The following TTC39B variants were observed in gnomAD, a reference collection of about 807,000 sequenced individuals.
TTC39B encodes the protein tetratricopeptide repeat protein 39B.
In TTC39B, 92 loss-of-function variants were observed where a neutral mutation model predicts 96.6. That is an observed-to-expected ratio of 0.95 (90% confidence interval 0.80 to 1.13). TTC39B has a LOEUF of 1.13. Among genes scored for constraint, TTC39B ranks in the 50% most tolerant of loss-of-function variants. The pLI, the probability that TTC39B is intolerant of heterozygous loss-of-function variation, is 0.00. For missense variants in TTC39B, 955 were observed against 809.3 expected, an observed-to-expected ratio of 1.18 and a Z score of -2.18; for synonymous variants, 367 against 299.4, an observed-to-expected ratio of 1.23 and a Z score of -2.33.
At chr9:15,296,200 C>A (rs1401196519) in intron 1 of TTC39B, among the ~76,000 whole-genome samples, 3 of 152,206 alleles carry the variant, frequency 2.0e-5, no homozygotes, top group African/African-American at 7.2e-5. Context: ...AGCACCGTGG[C>A]TCAAGTTGGT....
intron 11 of TTC39B, 120 bp downstream of exon 11, chr9:15,190,434 C>A: frequency 3.7e-6 from 3 of 801,636 alleles, no homozygotes; most frequent in Non-Finnish European, 6.1e-6. Flanking sequence ...CAGCCTCAAA[C>A]TCCTGGGTTC....
intron 2 of TTC39B, among the ~76,000 whole-genome samples, chr9:15,263,450 C>T (rs943860848): frequency 1.3e-5 from 2 of 152,242 alleles, no homozygotes; most frequent in East Asian, 1.9e-4. Context: ...TGGTCAGTCC[C>T]GTCTCCCCAG....
chr9:15,280,643 C>A (rs1823726632), intron 1 of TTC39B, among the ~76,000 whole-genome samples: 1 of 152,184 alleles, frequency 6.6e-6, no homozygotes, highest in Non-Finnish European at 1.5e-5. Flanking sequence ...GCTGAGACCA[C>A]CAAGCAGCCT....
chr9:15,174,598 C>T (rs1817829822), intron 19 of TTC39B, among the ~76,000 whole-genome samples: 1 of 152,256 alleles, frequency 6.6e-6, no homozygotes, highest in South Asian at 2.1e-4. Context: ...CAAACTAGGA[C>T]CCAAGGGCCA....
exon 20 of TTC39B, chr9:15,171,885 G>T: frequency 1.9e-6 from 1 of 522,432 alleles, no homozygotes; most frequent in Non-Finnish European, 3.3e-6. Context: ...TCTCTCAGAT[G>T]ATAGAAAATA....
At chr9:15,279,890 T>G (rs909587837) in intron 1 of TTC39B, among the ~76,000 whole-genome samples, 13 of 144,484 alleles carry the variant, frequency 9.0e-5, no homozygotes, top group African/African-American at 3.2e-4. Context: ...TTTTTTTCTT[T>G]TCTTTTTTTT....
chr9:15,190,379 T>C (rs1302583445), intron 11 of TTC39B, among the ~76,000 whole-genome samples, 175 bp downstream of exon 11: 2 of 152,194 alleles, frequency 1.3e-5, no homozygotes, highest in African/African-American at 4.8e-5. Flanking sequence ...TCTCGCTCTG[T>C]GGCCCAGGCT....
In TTC39B at chr9:15,190,552, AC is replaced by A; in HGVS notation, c.1105+1del. 1 of 1,609,714 alleles carries A rather than the reference AC, an allele frequency of 6.2e-7. No individual in the cohort carries two copies. Among genetic ancestry groups the A allele is most frequent in the South Asian group, 1.1e-5 (1 of 90,948 alleles). On this transcript the variant is annotated splice_donor_variant, in intron 11 of 19. Transcript: ENST00000512701. LOFTEE classifies it high-confidence loss of function. ...AATGAAACAATCTAATCCAGATCTT[AC>A]CAAGTATTAGGGAGATGTAAGTATG... is the stretch of plus-strand genomic sequence containing the variant.
chr9:15,224,608 T>C (rs1821023647), intron 3 of TTC39B: 1 of 152,282 alleles, frequency 6.6e-6, no homozygotes, highest in African/African-American at 2.4e-5. Flanking sequence ...GTCATGCCCT[T>C]ATTTATTAAT....
intron 8 of TTC39B, among the ~76,000 whole-genome samples, chr9:15,199,570 CT>C (rs1819393043): frequency 6.6e-6 from 1 of 151,144 alleles, no homozygotes; most frequent in African/African-American, 2.4e-5. Context: ...CCCATCTCTA[CT>C]AAAAATACAA....
rs773487358 is a variant in TTC39B, at chr9:15,187,978, C to T, written c.1388G>A (p.Trp463Ter). 2 of 1,587,460 alleles carry T rather than the reference C, an allele frequency of 1.3e-6. No individual in the cohort carries two copies. The highest frequency in any genetic ancestry group is 2.3e-5 in the East Asian group (1 of 43,940). Reference sequence around the variant, plus strand: ...GAAAGTATTGCACTTTACCTTGGACCATTTACTCTCTTTGCAAAGCAGATC... The same window carrying T: ...GAAAGTATTGCACTTTACCTTGGACTATTTACTCTCTTTGCAAAGCAGATC... The change falls in exon 14 of 20, where the codon TGG becomes TAG. Residue 463 changes from tryptophan (W) to a stop codon, truncating the protein, a stop_gained. Coordinates refer to ENST00000512701, the Ensembl canonical transcript of TTC39B. LOFTEE classifies it high-confidence loss of function.
At chr9:15,174,939 T>C (rs1817848931) in intron 19 of TTC39B, 80 bp downstream of exon 19, 1 of 875,690 alleles carries the variant, frequency 1.1e-6, no homozygotes, top group African/African-American at 1.7e-5. Context: ...GTTAAGTATA[T>C]AATGTTACTG....
chr9:15,235,235 T>C (rs1032125963), intron 2 of TTC39B, among the ~76,000 whole-genome samples: 6 of 152,038 alleles, frequency 3.9e-5, no homozygotes, highest in African/African-American at 1.4e-4. Context: ...TGAAGACCCA[T>C]CTTTCAAATT....
At chr9:15,259,219 T>G (rs142706926) in intron 2 of TTC39B, among the ~76,000 whole-genome samples, 3,504 of 152,302 alleles carry the variant, frequency 0.023, 55 homozygotes, top group Non-Finnish European at 0.034. Flanking sequence ...GACAGCAACT[T>G]TGACTGCCCT....
At chr9:15,214,303 T>C in intron 3 of TTC39B, 54 bp from the exon 4 acceptor site, 2 of 1,339,678 alleles carry the variant, frequency 1.5e-6, no homozygotes, top group Middle Eastern at 1.8e-4. Context: ...GATCAGCAAG[T>C]TGTCCGAAGG....
At chr9:15,273,414 T>C (rs1394000829) in intron 1 of TTC39B, among the ~76,000 whole-genome samples, 2 of 152,108 alleles carry the variant, frequency 1.3e-5, no homozygotes, top group African/African-American at 4.8e-5. Flanking sequence ...CCAGGTACTG[T>C]AAATCCACAA....
intron 1 of TTC39B, among the ~76,000 whole-genome samples, chr9:15,284,681 C>T (rs181165163): frequency 1.6e-4 from 24 of 152,286 alleles, no homozygotes; most frequent in African/African-American, 5.5e-4. Flanking sequence ...TTGCAGATTT[C>T]TATGACTAGA....
chr9:15,214,182 G>A lies in TTC39B; in HGVS notation c.439C>T (p.Leu147=), dbSNP rs745317761. The stretch of plus-strand genomic sequence containing the variant: ...AAGGCGTCTGTAAATTTGTTGCTTA[G>A]AAATAAGTTCAATGCCACAGCACAT... The change falls in exon 4 of 20, where the codon CTA becomes TTA. Residue 147 remains leucine, a synonymous_variant. Transcript: ENST00000512701. The A allele has an allele frequency of 3.7e-6, 6 of 1,614,048 alleles. No homozygotes were observed. In the South Asian group the frequency reaches 5.5e-5, roughly 15 times the overall value.
At chr9:15,264,703 A>G (rs1002331528) in intron 2 of TTC39B, among the ~76,000 whole-genome samples, 4 of 146,104 alleles carry the variant, frequency 2.7e-5, no homozygotes, top group Non-Finnish European at 6.0e-5. Context: ...AGATATCGTC[A>G]TTTGTTCTTC....
Sources: gnomAD v4.1 joint callset for allele counts (sites outside exome capture counted in the v4.1 genomes callset) on GRCh38, gnomAD v4.1.1 for gene constraint, MANE v1.5 for transcripts, NCBI Gene and HGNC (gene_info 2026-07-23, HGNC 2026-07-21) for gene names.